SPTLC3: variants seen among roughly 807,000 people sequenced by gnomAD.
SPTLC3 encodes the protein serine palmitoyltransferase long chain base subunit 3, also known as serine palmitoyltransferase 3.
A neutral mutation model predicts 59.3 loss-of-function variants in SPTLC3; 36 were observed. The observed-to-expected ratio is 0.61, with a 90% CI of 0.47 to 0.80. SPTLC3 has a LOEUF of 0.80. Among genes scored for constraint, SPTLC3 ranks in the 30% least tolerant of loss-of-function variants. The pLI is 0.00. For missense variants in SPTLC3, 625 were observed against 685.1 expected (o/e 0.91, Z 0.98); for synonymous variants, 257 against 240.8 (o/e 1.07, Z -0.62).
chr20:13,033,623 T>C (rs1410608727), intron 1 of SPTLC3, among the ~76,000 whole-genome samples: 1 of 152,130 alleles, frequency 6.6e-6, no homozygotes, highest in Non-Finnish European at 1.5e-5. Context: ...ATGGGTTTGG[T>C]GAATAGCCAG....
intron 1 of SPTLC3, among the ~76,000 whole-genome samples, chr20:13,026,674 G>A (rs1444082648): frequency 2.6e-5 from 4 of 152,244 alleles, no homozygotes; most frequent in South Asian, 2.1e-4. Context: ...GGTTAGGTGC[G>A]AACAAAGTGC....
intron 7 of SPTLC3, among the ~76,000 whole-genome samples, chr20:13,116,198 C>T (rs1488338588): frequency 6.6e-6 from 1 of 152,084 alleles, no homozygotes; most frequent in Non-Finnish European, 1.5e-5. Context: ...TTGACTGAAT[C>T]GACCTAACAC....
intron 1 of SPTLC3, among the ~76,000 whole-genome samples, chr20:13,033,767 G>A (rs139490614): frequency 6.6e-6 from 1 of 152,182 alleles, no homozygotes; most frequent in East Asian, 1.9e-4. Context: ...TAAGTGACTT[G>A]CCTATTAAAA....
intron 4 of SPTLC3, among the ~76,000 whole-genome samples, chr20:13,078,225 A>AT (rs1469656641): frequency 1.3e-5 from 2 of 148,384 alleles, no homozygotes. Context: ...ATATAATATT[A>AT]TACATAGTAT....
chr20:13,091,201 T>G lies in SPTLC3; in HGVS notation c.726T>G (p.Val242=). Residue 242 remains valine (V), a synonymous_variant, in exon 5 of 12, where the codon GTT becomes GTG. Transcript: ENST00000399002. ...ATNSMNIPAL[V]GKGCLILSDE... ...ACTCAATGAATATCCCAGCATTAGT[T>G]GGAAAGGTGAGAATTGTTAACCTAA... The G allele has an allele frequency of 6.2e-7, 1 of 1,613,546 alleles. No homozygotes were observed. Among genetic ancestry groups the G allele is most frequent in the Non-Finnish European group, 8.5e-7 (1 of 1,179,616 alleles).
In SPTLC3 at chr20:13,009,092, T is replaced by C. The variant is rs1453167468; in HGVS notation, c.-176T>C. On this transcript the variant is annotated 5_prime_UTR_variant, in exon 1 of 12. Transcript: ENST00000399002. ...ATAAAGGTAACCATTTGTTTTAGTT[T>C]CAACGATCTGACAAAAAGATAGGCT... is the stretch of plus-strand genomic sequence containing the variant. 1 of 621,294 alleles carries C rather than the reference T, an allele frequency of 1.6e-6. No individual in the cohort carries two copies. Among genetic ancestry groups the C allele is most frequent in the Non-Finnish European group, 2.9e-6 (1 of 348,464 alleles). The allele number at this position is 621,294 out of a possible 1,614,324, so 38.5% of individuals were successfully genotyped here. A position where few individuals can be genotyped will look rare whatever the true frequency, so the allele number is the denominator to read the frequency against.
chr20:13,154,268 C>T (rs557095527), intron 10 of SPTLC3, 130 bp downstream of exon 10: 17 of 1,158,984 alleles, frequency 1.5e-5, no homozygotes, highest in African/African-American at 9.3e-5. Flanking sequence ...TACGGCTTCT[C>T]GGAAGCCACC....
chr20:13,101,748 C>T (rs1454654637), intron 6 of SPTLC3, among the ~76,000 whole-genome samples: 1 of 152,036 alleles, frequency 6.6e-6, no homozygotes, highest in Non-Finnish European at 1.5e-5. Context: ...CTTGGGGGCT[C>T]TTGTTAAAAT....
intron 2 of SPTLC3, among the ~76,000 whole-genome samples, chr20:13,057,330 T>TC (rs1942217995): frequency 6.6e-6 from 1 of 151,772 alleles, no homozygotes; most frequent in South Asian, 2.1e-4. Flanking sequence ...AATTATGATT[T>TC]TTTAAAAGAT....
At chr20:13,071,790 T>C (rs759732773) in intron 2 of SPTLC3, among the ~76,000 whole-genome samples, 3 of 152,174 alleles carry the variant, frequency 2.0e-5, no homozygotes, top group Non-Finnish European at 4.4e-5. Flanking sequence ...TTAGTTTCCA[T>C]TGGCCATGTA....
chr20:13,144,677 C>T (rs1459319069), intron 9 of SPTLC3, among the ~76,000 whole-genome samples: 1 of 152,222 alleles, frequency 6.6e-6, no homozygotes, highest in Non-Finnish European at 1.5e-5. Flanking sequence ...GTACACACCA[C>T]AGTTACCCAG....
At chr20:13,052,160 C>T (rs1987520896) in intron 2 of SPTLC3, among the ~76,000 whole-genome samples, 1 of 152,076 alleles carries the variant, frequency 6.6e-6, no homozygotes, top group Non-Finnish European at 1.5e-5. Flanking sequence ...TCTGCATTTC[C>T]AACTGAGGTA....
rs1208987364 is a variant in SPTLC3, at chr20:13,096,238, A to G, written c.826+2661A>G. On this transcript the variant is annotated intron_variant, in intron 6 of 11. Coordinates refer to ENST00000399002, the MANE Select transcript of SPTLC3 (RefSeq NM_018327.4). ...TTGGCAAGGTTTTATAAAGCTAAAC[A>G]TACTCCTTTACTATGACCCAGAAAT... Among the ~76,000 whole-genome samples the G allele has an allele frequency of 1.3e-5, 2 of 152,174 alleles. 1 individual carries two copies. Among genetic ancestry groups the G allele is most frequent in the Admixed American group, 1.3e-4 (2 of 15,262 alleles).
chr20:13,073,661 A>ATT, intron 3 of SPTLC3: 4 of 320,658 alleles, frequency 1.2e-5, no homozygotes, highest in Non-Finnish European at 6.2e-6. Context: ...AATGATTAAC[A>ATT]TTTTTTTTTA....
chr20:13,100,682 T>C (rs573469834), intron 6 of SPTLC3, among the ~76,000 whole-genome samples: 73 of 152,358 alleles, frequency 4.8e-4, no homozygotes, highest in African/African-American at 1.6e-3. Context: ...TACTCTATCA[T>C]TTATTCAGCT....
intron 1 of SPTLC3, among the ~76,000 whole-genome samples, chr20:13,047,732 G>A (rs1987292708): frequency 6.6e-6 from 1 of 152,030 alleles, no homozygotes; most frequent in Non-Finnish European, 1.5e-5. Context: ...ACTGAAAAGT[G>A]AAATAAAACA....
chr20:13,164,262 G>A (rs1342952254), intron 11 of SPTLC3: 11 of 452,720 alleles, frequency 2.4e-5, no homozygotes, highest in Non-Finnish European at 4.5e-5. Flanking sequence ...GGGACACAGA[G>A]ATGAGTATTT....
In SPTLC3 at chr20:13,009,371, T is replaced by C; in HGVS notation, c.104T>C (p.Val35Ala). The C allele has an allele frequency of 6.2e-7, 1 of 1,613,942 alleles. No homozygotes were observed. Among genetic ancestry groups the C allele is most frequent in the Non-Finnish European group, 8.5e-7 (1 of 1,179,894 alleles). Residue 35 changes from valine to alanine, a missense_variant, in exon 1 of 12, where the codon GTG becomes GCG. Val to Ala is a moderately conservative substitution (Grantham distance 64). Coordinates refer to ENST00000399002, the MANE Select transcript of SPTLC3 (RefSeq NM_018327.4). ...QSRNCTKNGI[V>A]KEAQQNGKPH... ...AGAAACTGCACAAAGAATGGAATAG[T>C]GAAGGAAGCCCAGGTAAGAGGCACT... is the stretch of plus-strand genomic sequence containing the variant.
At chr20:13,063,086 G>A (rs887298006) in intron 2 of SPTLC3, among the ~76,000 whole-genome samples, 6 of 152,168 alleles carry the variant, frequency 3.9e-5, no homozygotes, top group Admixed American at 1.3e-4. Context: ...TTGGTAGATT[G>A]ATTATTATCA....
Sources: allele counts gnomAD v4.1 joint callset (sites outside exome capture counted in the v4.1 genomes callset), GRCh38; gene constraint gnomAD v4.1.1; transcripts MANE v1.5; gene names NCBI Gene and HGNC (gene_info 2026-07-23, HGNC 2026-07-21).